The following CUX2 variants were observed in gnomAD, a reference collection of about 807,000 sequenced individuals.
The protein encoded by CUX2 is homeobox protein cut-like 2.
In CUX2, 40 loss-of-function variants were observed where a neutral mutation model predicts 144.8. The observed-to-expected ratio is 0.28, with a 90% CI of 0.21 to 0.36. The LOEUF is 0.36. CUX2 is among the 10% of genes least tolerant of loss of function. CUX2 has a pLI of 1.00. For synonymous variants in CUX2, 827 were observed against 875.6 expected (o/e 0.94, Z 0.98); for missense variants, 1,615 against 1,994.0 (o/e 0.81, Z 3.62).
chr12:111,347,936 T>C lies in CUX2; in HGVS notation c.4072T>C (p.Cys1358Arg), dbSNP rs2136460109. The change falls in exon 22 of 22, where the codon TGT (cysteine) becomes CGT (arginine). Residue 1358 changes from cysteine (C) to arginine (R), a missense_variant. By Grantham distance (180) the Cys-to-Arg change is radical (BLOSUM62 -3). This residue lies in a region of CUX2 where 298 missense variants were observed against 330.4 expected (regional missense o/e 0.90). Coordinates refer to ENST00000261726, the MANE Select transcript of CUX2 (RefSeq NM_015267.4). ...PLLPGGSTPD[C>R]PSLHPQQESE... is the part of the protein sequence containing the mutation. Reference sequence around the variant, plus strand: ...CCTTCCAGGTGGATCCACCCCAGACTGTCCCTCACTTCATCCCCAACAGGA... The same window carrying C: ...CCTTCCAGGTGGATCCACCCCAGACCGTCCCTCACTTCATCCCCAACAGGA... 1 of 1,614,122 alleles carries C rather than the reference T, an allele frequency of 6.2e-7. No individual in the cohort carries two copies.
At chr12:111,248,744 G>A (rs933263412) in intron 3 of CUX2, among the ~76,000 whole-genome samples, 8 of 152,170 alleles carry the variant, frequency 5.3e-5, no homozygotes, top group Admixed American at 4.6e-4. Flanking sequence ...CCCAACAGAC[G>A]GCTGACACCC....
intron 4 of CUX2, among the ~76,000 whole-genome samples, chr12:111,285,017 A>G (rs1043123806): frequency 1.3e-5 from 2 of 151,714 alleles, no homozygotes; most frequent in African/African-American, 2.4e-5. Context: ...TTCTCCCCCA[A>G]ACCTGTGACG....
rs80155962 is a variant in CUX2 at position 111,205,425 on chromosome 12, C to T, written c.64-8775C>T. Among the ~76,000 whole-genome samples, 232 of 152,326 alleles carry T rather than the reference C, an allele frequency of 1.5e-3. 1 individual carries two copies. The highest frequency in any genetic ancestry group is 5.3e-3 in the African/African-American group (222 of 41,578). ...CCACAAAGTTGTCCCTCCATCCCCC[C>T]GCCACAAGGGGCTTCTCATACTTAC... On this transcript the variant is annotated intron_variant, in intron 1 of 21. Transcript: ENST00000261726.
chr12:111,254,578 T>G (rs1269173704), intron 3 of CUX2, among the ~76,000 whole-genome samples: 2 of 152,246 alleles, frequency 1.3e-5, no homozygotes, highest in Non-Finnish European at 2.9e-5. Flanking sequence ...GAATTCAAAC[T>G]GAGTGACTTA....
intron 18 of CUX2, among the ~76,000 whole-genome samples, chr12:111,331,283 C>T (rs1158998282): frequency 6.6e-6 from 1 of 152,188 alleles, no homozygotes; most frequent in African/African-American, 2.4e-5. Context: ...CAGGATGTCT[C>T]TTCTGAAAGT....
intron 1 of CUX2, among the ~76,000 whole-genome samples, chr12:111,188,640 G>A (rs1187228862): frequency 6.6e-6 from 1 of 151,896 alleles, no homozygotes; most frequent in Non-Finnish European, 1.5e-5. Flanking sequence ...CCCAGAGAGC[G>A]GGGGGGAAAG....
intron 1 of CUX2, among the ~76,000 whole-genome samples, chr12:111,098,674 C>A (rs960098122): frequency 2.6e-5 from 4 of 152,204 alleles, no homozygotes; most frequent in African/African-American, 9.6e-5. Flanking sequence ...ATACCCCCAG[C>A]CCCAGAGCAG....
At chr12:111,109,469 G>A (rs1367851614) in intron 1 of CUX2, among the ~76,000 whole-genome samples, 4 of 152,240 alleles carry the variant, frequency 2.6e-5, no homozygotes, top group Non-Finnish European at 5.9e-5. Context: ...TCCCATCTCT[G>A]GCATGTGGGG....
At chr12:111,168,172 A>G (rs1000812189) in intron 1 of CUX2, among the ~76,000 whole-genome samples, 2 of 151,842 alleles carry the variant, frequency 1.3e-5, no homozygotes, top group East Asian at 3.9e-4. Flanking sequence ...TCCCCAACCC[A>G]TTTCCTGAGG....
intron 3 of CUX2, among the ~76,000 whole-genome samples, chr12:111,228,398 C>T (rs187767361): frequency 1.4e-3 from 214 of 152,226 alleles, no homozygotes; most frequent in African/African-American, 4.5e-3. Flanking sequence ...GCAGGTTTCA[C>T]ATCCAGTGAA....
chr12:111,106,077 C>T (rs1003427237), intron 1 of CUX2, among the ~76,000 whole-genome samples: 1 of 151,988 alleles, frequency 6.6e-6, no homozygotes, highest in African/African-American at 2.4e-5. Context: ...GTTGCCCAGG[C>T]TGGTCTCAAA....
intron 1 of CUX2, among the ~76,000 whole-genome samples, chr12:111,158,472 T>TAAAA (rs781038202): frequency 8.2e-6 from 1 of 122,032 alleles, no homozygotes; most frequent in African/African-American, 3.1e-5. Flanking sequence ...TAATTTTTAT[T>TAAAA]AAAAAAAAAA....
intron 3 of CUX2, among the ~76,000 whole-genome samples, chr12:111,223,053 A>G (rs1357908627): frequency 3.3e-5 from 5 of 152,148 alleles, no homozygotes; most frequent in Admixed American, 2.6e-4. Flanking sequence ...AGTACCCGGA[A>G]GAAGGACTTC....
Position 111,104,911 on chromosome 12 carries a change from A to C in CUX2, c.63+70671A>C, listed in dbSNP as rs143292672. 5.9e-5 allele frequency among the ~76,000 whole-genome samples: 9 copies of C among 152,244 alleles called. No individual in the cohort carries two copies. In the East Asian group the frequency reaches 1.7e-3, roughly 29 times the overall value. Reference sequence around the variant, plus strand: ...AGAATGTGGATGCTTCTTTTGAAGAAAGGACAGGGATAGGGAGGGGACCCT... The same window carrying C: ...AGAATGTGGATGCTTCTTTTGAAGACAGGACAGGGATAGGGAGGGGACCCT... On this transcript the variant is annotated intron_variant, in intron 1 of 21. Transcript: ENST00000261726.
chr12:111,155,015 TC>T (rs1877287932), intron 1 of CUX2, among the ~76,000 whole-genome samples: 2 of 152,222 alleles, frequency 1.3e-5, no homozygotes, highest in African/African-American at 4.8e-5. Flanking sequence ...CTCAATTTGT[TC>T]ATCTGTATGA....
chr12:111,042,043 A>T (rs1169705569), intron 1 of CUX2, among the ~76,000 whole-genome samples: 5 of 152,226 alleles, frequency 3.3e-5, no homozygotes, highest in Admixed American at 6.5e-5. Context: ...ATGAAACAGC[A>T]GTTCCAGGAT....
chr12:111,279,166 G>A (rs1885010505), intron 4 of CUX2, among the ~76,000 whole-genome samples: 1 of 152,190 alleles, frequency 6.6e-6, no homozygotes, highest in African/African-American at 2.4e-5. Context: ...CGGAGAGAAT[G>A]AGGAGGCAGG....
intron 1 of CUX2, among the ~76,000 whole-genome samples, chr12:111,197,642 A>G (rs909748172): frequency 2.0e-5 from 3 of 152,156 alleles, no homozygotes; most frequent in African/African-American, 7.2e-5. Flanking sequence ...GCCTGTCTTG[A>G]GTGAAGGCAG....
In CUX2 at chr12:111,171,604, G is replaced by A. The variant is rs1268519117; in HGVS notation, c.64-42596G>A. ...AGCCACCTGACACATCTGGGGCTAT[G>A]GGACGGAAAAGCCCAGAGTGCCCTC... On this transcript the variant is annotated intron_variant, in intron 1 of 21. Transcript: ENST00000261726. The surrounding 1 kb of genome is among the most constrained non-coding windows in gnomAD (Gnocchi z 5.0). Among the ~76,000 whole-genome samples, 1 of 152,186 alleles carries A rather than the reference G, an allele frequency of 6.6e-6. No homozygotes were observed. The highest frequency in any genetic ancestry group is 2.4e-5 in the African/African-American group (1 of 41,450).
Sources: gnomAD v4.1 joint callset for allele counts (sites outside exome capture counted in the v4.1 genomes callset) on GRCh38, gnomAD v4.1.1 for gene constraint, gnomAD v4.1.1 regional missense constraint, Gnocchi (gnomAD v3.1) non-coding constraint, MANE v1.5 for transcripts, NCBI Gene and HGNC (gene_info 2026-07-23, HGNC 2026-07-21) for gene names.